The following TFAP2B variants were observed in gnomAD, a reference collection of about 807,000 sequenced individuals.
TFAP2B encodes the protein transcription factor AP-2-beta.
In TFAP2B, 9 loss-of-function variants were observed where a neutral mutation model predicts 44.3. The observed-to-expected ratio is 0.20, with a 90% CI of 0.12 to 0.35. The LOEUF is 0.35. Among genes scored for constraint, TFAP2B ranks in the 10% least tolerant of loss-of-function variants. The pLI, the probability that TFAP2B is intolerant of heterozygous loss-of-function variation, is 1.00. For missense variants in TFAP2B, 509 were observed against 600.0 expected (o/e 0.85, Z 1.59); for synonymous variants, 270 against 263.8 (o/e 1.02, Z -0.23).
rs1762870905 is a variant in TFAP2B at position 50,847,372 on chromosome 6, T to C, written c.*3980T>C. ...GGAGGGTATTCATGTTAAGTTTGTA[T>C]ATATTTATTTATGCTTAATTTAATG... On this transcript the variant is annotated 3_prime_UTR_variant, in exon 7 of 7. Coordinates refer to ENST00000393655, the MANE Select transcript of TFAP2B (RefSeq NM_003221.4). The C allele has an allele frequency of 1.3e-5, 2 of 152,656 alleles. No homozygotes were observed. The allele number at this position is 152,656 out of a possible 1,614,324, so 9.5% of individuals were successfully genotyped here. A position where few individuals can be genotyped will look rare whatever the true frequency, so the allele number is the denominator to read the frequency against.
At chr6:50,838,956 T>A (rs1762674468) in intron 5 of TFAP2B, among the ~76,000 whole-genome samples, 1 of 152,208 alleles carries the variant, frequency 6.6e-6, no homozygotes, top group African/African-American at 2.4e-5. Flanking sequence ...GAGTTGGTTT[T>A]AGAAGATGGA....
At chr6:50,834,556 G>A (rs1338070561) in intron 3 of TFAP2B, among the ~76,000 whole-genome samples, 1 of 152,192 alleles carries the variant, frequency 6.6e-6, no homozygotes, top group African/African-American at 2.4e-5. Flanking sequence ...TGGCTTCTAG[G>A]AGTCTCTAAA....
intron 3 of TFAP2B, among the ~76,000 whole-genome samples, chr6:50,832,554 T>C (rs1762532197): frequency 1.3e-5 from 2 of 152,154 alleles, no homozygotes; most frequent in African/African-American, 2.4e-5. Flanking sequence ...GCTTTGCTGG[T>C]GAGAAAAAGA....
intron 2 of TFAP2B, 37 bp from the exon 3 acceptor site, chr6:50,828,582 C>T (rs1770589528): frequency 3.8e-6 from 6 of 1,566,058 alleles, no homozygotes; most frequent in African/African-American, 1.4e-5. Flanking sequence ...TCTTTAATAT[C>T]CTGTCAATTT....
At chr6:50,832,046 A>G (rs1762510988) in intron 3 of TFAP2B, among the ~76,000 whole-genome samples, 1 of 152,206 alleles carries the variant, frequency 6.6e-6, no homozygotes, top group African/African-American at 2.4e-5. Flanking sequence ...AATTTCTATT[A>G]CAATTGATTC....
rs140657288 is a variant in TFAP2B, at chr6:50,843,524, ATT to A, written c.*135_*136del. On this transcript the variant is annotated 3_prime_UTR_variant, in exon 7 of 7. Transcript: ENST00000393655. The stretch of plus-strand genomic sequence containing the variant: ...TAGGTAGAATACACATACAATCAAA[ATT>A]TTAAAAAAAAAAGCTAAATAACTTA... 3.3e-3 allele frequency: 2,879 copies of A among 876,022 alleles called. 3 individuals are homozygous for A. Among genetic ancestry groups the A allele is most frequent in the Admixed American group, 7.0e-3 (211 of 29,944 alleles). The allele number at this position is 876,022 out of a possible 1,614,324, so 54.3% of individuals were successfully genotyped here. A position where few individuals can be genotyped will look rare whatever the true frequency, so the allele number is the denominator to read the frequency against.
chr6:50,829,463 G>A (rs1401551860), intron 3 of TFAP2B, among the ~76,000 whole-genome samples: 1 of 152,190 alleles, frequency 6.6e-6, no homozygotes. Flanking sequence ...CTGGCGATTA[G>A]TGTAGCTGCT....
chr6:50,843,501 G>A lies in TFAP2B; in HGVS notation c.*109G>A. ...GATTGGCTTTGGAAGAATTATATTA[G>A]GTAGAATACACATACAATCAAAATT... On this transcript the variant is annotated 3_prime_UTR_variant, in exon 7 of 7. Coordinates refer to ENST00000393655, the MANE Select transcript of TFAP2B (RefSeq NM_003221.4). 6 of 1,150,710 alleles carry A rather than the reference G, an allele frequency of 5.2e-6. No homozygotes were observed. In the South Asian group the frequency reaches 7.7e-5, roughly 15 times the overall value. The allele number at this position is 1,150,710 out of a possible 1,614,324, so 71.3% of individuals were successfully genotyped here.
intron 3 of TFAP2B, 98 bp from the exon 4 acceptor site, chr6:50,835,963 G>T (rs1762611851): frequency 3.1e-6 from 3 of 972,752 alleles, no homozygotes; most frequent in Non-Finnish European, 5.0e-6. Context: ...TTTCCACTTG[G>T]TGTCTGTCCT....
chr6:50,843,740 G>T lies in TFAP2B; in HGVS notation c.*348G>T, dbSNP rs1762783768. On this transcript the variant is annotated 3_prime_UTR_variant, in exon 7 of 7. Coordinates refer to ENST00000393655, the MANE Select transcript of TFAP2B (RefSeq NM_003221.4). ...ACATAAGACTAAACATGAGAAAAAC[G>T]CTAACTTATTGGAAGAAAATCGGAG... 3 of 199,852 alleles carry T rather than the reference G, an allele frequency of 1.5e-5. No individual in the cohort carries two copies. The highest frequency in any genetic ancestry group is 5.6e-5 in the Admixed American group (1 of 18,010). The allele number at this position is 199,852 out of a possible 1,614,324, so 12.4% of individuals were successfully genotyped here.
At chr6:50,822,230 T>C in intron 1 of TFAP2B, 8 of 1,220,498 alleles carry the variant, frequency 6.6e-6, no homozygotes, top group Non-Finnish European at 7.7e-6. Context: ...TCTCTGCGTC[T>C]CTGTGTGTGT....
At chr6:50,835,094 T>C (rs1431598200) in intron 3 of TFAP2B, among the ~76,000 whole-genome samples, 1 of 152,212 alleles carries the variant, frequency 6.6e-6, no homozygotes, top group Non-Finnish European at 1.5e-5. Flanking sequence ...AAATACAGGC[T>C]GGAGAGGCTG....
At position 50,845,557 on chromosome 6, in the gene TFAP2B, G is replaced by A. The variant is rs1403857253; in HGVS notation, c.*2165G>A. 1 of 152,688 alleles carries A rather than the reference G, an allele frequency of 6.5e-6. No individual in the cohort carries two copies. Among genetic ancestry groups the A allele is most frequent in the Non-Finnish European group, 1.5e-5 (1 of 68,130 alleles). The allele number at this position is 152,688 out of a possible 1,614,324, so 9.5% of individuals were successfully genotyped here. A position where few individuals can be genotyped will look rare whatever the true frequency, so the allele number is the denominator to read the frequency against. On this transcript the variant is annotated 3_prime_UTR_variant, in exon 7 of 7. Transcript: ENST00000393655. ...GGAATGCAATGGCCAAGAGCTAGAC[G>A]TTACGGAGAGTGTAGTCACTCTCTT...
intron 2 of TFAP2B, among the ~76,000 whole-genome samples, chr6:50,825,490 T>C (rs1470457236): frequency 6.6e-6 from 1 of 152,160 alleles, no homozygotes; most frequent in Non-Finnish European, 1.5e-5. Context: ...CTCAGAAATT[T>C]TTCCCCCAAA....
Position 50,844,732 on chromosome 6 carries a change from T to C in TFAP2B, c.*1340T>C, listed in dbSNP as rs1314025710. On this transcript the variant is annotated 3_prime_UTR_variant, in exon 7 of 7. Transcript: ENST00000393655. ...GCCCTGCATTTAAAATTGATTTGAT[T>C]TCCCTGGGTTCTTTGGTGATTGCTG... is the stretch of plus-strand genomic sequence containing the variant. The C allele has an allele frequency of 1.3e-5, 2 of 152,374 alleles. No homozygotes were observed. The highest frequency in any genetic ancestry group is 2.4e-5 in the African/African-American group (1 of 41,456). 9.4% of individuals were successfully genotyped at this position (152,374 alleles called of 1,614,324 possible). A position where few individuals can be genotyped will look rare whatever the true frequency, so the allele number is the denominator to read the frequency against.
chr6:50,825,806 C>G (rs1467608097), intron 2 of TFAP2B, among the ~76,000 whole-genome samples: 3 of 152,160 alleles, frequency 2.0e-5, no homozygotes, highest in Non-Finnish European at 4.4e-5. Context: ...TGTTCCTCCC[C>G]TGCTTTATCT....
chr6:50,836,717 G>A (rs1762631069), intron 4 of TFAP2B, among the ~76,000 whole-genome samples: 2 of 151,824 alleles, frequency 1.3e-5, no homozygotes, highest in Admixed American at 6.6e-5. Context: ...TACCTTCAGT[G>A]TACTCTTTCT....
At chr6:50,823,324 G>A (rs950801420) in intron 1 of TFAP2B, 83 bp from the exon 2 acceptor site, 24 of 1,222,718 alleles carry the variant, frequency 2.0e-5, no homozygotes, top group Non-Finnish European at 2.4e-5. Context: ...CTTCCTCTCT[G>A]TACTCTCTGT....
intron 4 of TFAP2B, among the ~76,000 whole-genome samples, chr6:50,837,450 C>T (rs530607736): frequency 6.6e-6 from 1 of 152,286 alleles, no homozygotes; most frequent in Non-Finnish European, 1.5e-5. Context: ...GTTAGTTTTA[C>T]TGTTATTATG....
Sources: allele counts gnomAD v4.1 joint callset (sites outside exome capture counted in the v4.1 genomes callset), GRCh38; gene constraint gnomAD v4.1.1; transcripts MANE v1.5; gene names NCBI Gene and HGNC (gene_info 2026-07-23, HGNC 2026-07-21).